Variants in STK32B observed in about 807,000 individuals in gnomAD.
The protein encoded by STK32B is serine/threonine-protein kinase 32B.
In STK32B, 43 loss-of-function variants were observed where a neutral mutation model predicts 52.6. That is an observed-to-expected ratio of 0.82 (90% CI 0.64 to 1.05). The LOEUF is 1.05. Ranked by LOEUF, STK32B falls within the 50% of genes least tolerant of loss-of-function variation. The pLI, the probability that STK32B is intolerant of heterozygous loss-of-function variation, is 0.00. For synonymous variants in STK32B, 238 were observed against 204.3 expected (o/e 1.17, Z -1.41); for missense variants, 621 against 534.6 (o/e 1.16, Z -1.59).
At chr4:5,367,896 C>T (rs986212596) in intron 4 of STK32B, among the ~76,000 whole-genome samples, 2 of 152,194 alleles carry the variant, frequency 1.3e-5, no homozygotes, top group East Asian at 1.9e-4. Context: ...TCAGACCTCT[C>T]CCTGTCCACA....
At chr4:5,424,595 G>T (rs1712928110) in intron 6 of STK32B, among the ~76,000 whole-genome samples, 2 of 152,224 alleles carry the variant, frequency 1.3e-5, no homozygotes, top group African/African-American at 4.8e-5. Flanking sequence ...ACAGACATCT[G>T]CACAATCTGC....
intron 1 of STK32B, among the ~76,000 whole-genome samples, chr4:5,137,061 G>A (rs1716121028): frequency 6.6e-6 from 1 of 152,166 alleles, no homozygotes; most frequent in South Asian, 2.1e-4. Context: ...ATGGCTTTTG[G>A]CATTTGACCA....
chr4:5,089,513 A>G (rs1222191905), intron 1 of STK32B, among the ~76,000 whole-genome samples: 1 of 152,086 alleles, frequency 6.6e-6, no homozygotes, highest in Non-Finnish European at 1.5e-5. Flanking sequence ...AAAGGACATG[A>G]TCTCATTCTT....
chr4:5,339,041 A>G (rs1342319294), intron 4 of STK32B, among the ~76,000 whole-genome samples: 2 of 152,208 alleles, frequency 1.3e-5, no homozygotes, highest in Non-Finnish European at 1.5e-5. Context: ...ATGAAAAATT[A>G]GAGCCATTCA....
rs557330481 is a variant in STK32B, at chr4:5,114,008, A to G, written c.53-25897A>G. Among the ~76,000 whole-genome samples, 11 of 152,252 alleles carry G rather than the reference A, an allele frequency of 7.2e-5. No individual in the cohort carries two copies. The East Asian group carries it at 7.8e-4, about 11-fold the overall frequency. ...GAGAAAGACCTGCTCCCATGATTCA[A>G]TTACCTCCCACTGGTTCACTCCCAC... On this transcript the variant is annotated intron_variant, in intron 1 of 11. Coordinates refer to ENST00000282908, the MANE Select transcript of STK32B (RefSeq NM_018401.3).
chr4:5,317,261 CA>C (rs1186581825), intron 3 of STK32B, among the ~76,000 whole-genome samples: 1 of 16,120 alleles, frequency 6.2e-5, no homozygotes, highest in Non-Finnish European at 8.8e-5. Flanking sequence ...TAACATATAA[CA>C]TATATATAAT....
intron 1 of STK32B, among the ~76,000 whole-genome samples, chr4:5,076,585 C>A (rs192594659): frequency 6.6e-6 from 1 of 152,038 alleles, no homozygotes; most frequent in Non-Finnish European, 1.5e-5. Context: ...GTTTTTTCAC[C>A]GACTAGTAAA....
chr4:5,226,814 G>C (rs575636595), intron 3 of STK32B, among the ~76,000 whole-genome samples: 1 of 152,264 alleles, frequency 6.6e-6, no homozygotes, highest in South Asian at 2.1e-4. Flanking sequence ...AAGAAACCTG[G>C]TTATATAGGG....
chr4:5,175,947 C>A (rs907126638), intron 3 of STK32B, among the ~76,000 whole-genome samples: 1 of 152,258 alleles, frequency 6.6e-6, no homozygotes, highest in Admixed American at 6.5e-5. Flanking sequence ...TGGTGGGCTC[C>A]ACCCACTCGA....
chr4:5,296,686 C>G (rs957302485), intron 3 of STK32B, among the ~76,000 whole-genome samples: 2 of 152,138 alleles, frequency 1.3e-5, no homozygotes, highest in African/African-American at 4.8e-5. Context: ...CTCCTGAATC[C>G]AGCACACTGA....
At chr4:5,336,535 C>T (rs1243661003) in intron 4 of STK32B, among the ~76,000 whole-genome samples, 1 of 151,956 alleles carries the variant, frequency 6.6e-6, no homozygotes, top group African/African-American at 2.4e-5. Flanking sequence ...AAGAATTTTG[C>T]ATGTGTGAAA....
At chr4:5,220,951 C>T (rs537950186) in intron 3 of STK32B, among the ~76,000 whole-genome samples, 1 of 152,288 alleles carries the variant, frequency 6.6e-6, no homozygotes, top group East Asian at 1.9e-4. Flanking sequence ...AAAGTTGCTA[C>T]CATCTCTTTC....
intron 5 of STK32B, among the ~76,000 whole-genome samples, chr4:5,414,180 A>G (rs1711954471): frequency 6.6e-6 from 1 of 151,918 alleles, no homozygotes; most frequent in South Asian, 2.1e-4. Context: ...CTTATCTGAA[A>G]CCCTTGGGGC....
In STK32B at chr4:5,399,858, TTC is replaced by T. The variant is rs1457379590; in HGVS notation, c.472+1618_472+1619del. ...ATAACTCGCCCTCTTCCTGTCCCCT[TTC>T]TCTGCTCAGGGCCAGGCAAGGTCAA... On this transcript the variant is annotated intron_variant, in intron 5 of 11. Transcript: ENST00000282908. This position sits in a 1 kb window ranked among gnomAD's most constrained non-coding sequence, Gnocchi z 5.4. Among the ~76,000 whole-genome samples, 13 of 152,238 alleles carry T rather than the reference TTC, an allele frequency of 8.5e-5. No individual in the cohort carries two copies. Among genetic ancestry groups the T allele is most frequent in the Non-Finnish European group, 1.5e-5 (1 of 68,004 alleles).
chr4:5,413,387 G>C (rs1265966141), intron 5 of STK32B, among the ~76,000 whole-genome samples: 1 of 152,124 alleles, frequency 6.6e-6, no homozygotes, highest in Admixed American at 6.5e-5. Context: ...TCAGGCTCTG[G>C]CACCATTTCT....
At chr4:5,258,659 G>C (rs1252240667) in intron 3 of STK32B, among the ~76,000 whole-genome samples, 2 of 152,086 alleles carry the variant, frequency 1.3e-5, no homozygotes, top group East Asian at 3.9e-4. Context: ...CCAGGATCCA[G>C]TCACTTCTCA....
chr4:5,488,919 CTTA>C lies in STK32B; in HGVS notation c.1107-10024_1107-10022del, dbSNP rs1198268958. 7.9e-5 allele frequency among the ~76,000 whole-genome samples: 12 copies of C among 151,926 alleles called. No individual in the cohort carries two copies. In the South Asian group the frequency reaches 8.3e-4, roughly 11 times the overall value. On this transcript the variant is annotated intron_variant, in intron 11 of 11. Transcript: ENST00000282908. Reference sequence around the variant, plus strand: ...AATAAAGAATATATTTTATGTCTGTCTTATAATTCTTATTAAAAACTTCATATT... The same window carrying C: ...AATAAAGAATATATTTTATGTCTGTCTAATTCTTATTAAAAACTTCATATT...
intron 4 of STK32B, among the ~76,000 whole-genome samples, chr4:5,349,387 C>A (rs143254000): frequency 1.3e-5 from 2 of 151,958 alleles, no homozygotes; most frequent in Non-Finnish European, 2.9e-5. Flanking sequence ...CTGTTTTATA[C>A]CTGAAGAAAC....
intron 6 of STK32B, among the ~76,000 whole-genome samples, chr4:5,440,835 A>C (rs1039529055): frequency 6.6e-6 from 1 of 152,002 alleles, no homozygotes; most frequent in Non-Finnish European, 1.5e-5. Flanking sequence ...ATTTTGTCAA[A>C]GGCCTTTTCT....
Sources: gnomAD v4.1 joint callset for allele counts (sites outside exome capture counted in the v4.1 genomes callset) on GRCh38, gnomAD v4.1.1 for gene constraint, Gnocchi (gnomAD v3.1) non-coding constraint, MANE v1.5 for transcripts, NCBI Gene and HGNC (gene_info 2026-07-23, HGNC 2026-07-21) for gene names.